NEB: variants seen among roughly 807,000 people sequenced by gnomAD.
NEB encodes the protein nemaline myopathy type 2.
NEB carries 512 observed loss-of-function variants against 952.2 expected under a neutral mutation model. The observed-to-expected ratio is 0.54, with a 90% confidence interval of 0.50 to 0.58. The LOEUF (loss-of-function observed/expected upper bound fraction) is 0.58. NEB is among the 20% of genes least tolerant of loss of function. The probability of loss-of-function intolerance (pLI) is 0.00; values close to 1 mark genes in which losing one functional copy is unlikely to be tolerated. For synonymous variants in NEB, 2,900 were observed against 3,149.8 expected (o/e 0.92, Z 2.66); for missense variants, 8,428 against 9,231.1 (o/e 0.91, Z 3.56).
intron 10 of NEB, among the ~76,000 whole-genome samples, chr2:151,715,073 C>T (rs1401639277): frequency 6.6e-6 from 1 of 152,220 alleles, no homozygotes; most frequent in Non-Finnish European, 1.5e-5. Flanking sequence ...AGCCACCTCC[C>T]CTTAGCTCAT....
chr2:151,606,067 A>G (rs2097695806), intron 84 of NEB, among the ~76,000 whole-genome samples: 1 of 86,238 alleles, frequency 1.2e-5, no homozygotes, highest in Non-Finnish European at 3.0e-5. Context: ...TGATCCGCCC[A>G]CCTCAGCCTC....
chr2:151,695,927 G>A (rs988042609), intron 17 of NEB, among the ~76,000 whole-genome samples: 5 of 152,106 alleles, frequency 3.3e-5, no homozygotes, highest in East Asian at 3.9e-4. Context: ...CCCTCCCTGC[G>A]TAGCACAATT....
rs1387509005 is a variant in NEB at position 151,549,714 on chromosome 2, G to C, written c.19971C>G (p.Thr6657=). The part of the protein sequence containing the change: ...SSNLYKTSLR[T]LPTGYRLPGD... ...CTGGAAGTCTATATCCAGTGGGCAGGGTGCGCAGGCTGGTTTTGTATAGAT... is the reference window on the plus strand; with the variant it reads ...CTGGAAGTCTATATCCAGTGGGCAGCGTGCGCAGGCTGGTTTTGTATAGAT... Residue 6657 remains threonine (T), a synonymous_variant, in exon 130 of 182, where the codon ACC becomes ACG. Transcript: ENST00000397345. 3.8e-6 allele frequency: 6 copies of C among 1,593,762 alleles called. No individual in the cohort carries two copies. The highest frequency in any genetic ancestry group is 1.1e-5 in the South Asian group (1 of 87,514).
At chr2:151,504,985 A>C (rs979365772) in intron 165 of NEB, among the ~76,000 whole-genome samples, 2 of 152,142 alleles carry the variant, frequency 1.3e-5, no homozygotes, top group Admixed American at 1.3e-4. Flanking sequence ...AGGGGAGAAG[A>C]GACTTCACAT....
At chr2:151,646,265 T>C in intron 54 of NEB, 31 bp from the exon 55 acceptor site, 1 of 1,465,730 alleles carries the variant, frequency 6.8e-7, no homozygotes. Context: ...TTTTCAGTGG[T>C]GTTGTTAGAT....
intron 55 of NEB, among the ~76,000 whole-genome samples, chr2:151,644,897 C>T (rs890730591): frequency 4.6e-5 from 7 of 152,102 alleles, no homozygotes; most frequent in Admixed American, 1.3e-4. Context: ...CTTATGCAAT[C>T]CTAGATGGTA....
intron 135 of NEB, among the ~76,000 whole-genome samples, chr2:151,542,432 A>T (rs1451142830): frequency 6.6e-6 from 1 of 152,122 alleles, no homozygotes; most frequent in Non-Finnish European, 1.5e-5. Context: ...AATTTAGGTG[A>T]TTTACCATGT....
At position 151,633,702 on chromosome 2, in the gene NEB, G is replaced by T. The variant is rs1271867113; in HGVS notation, c.9366C>A (p.Asp3122Glu). Residue 3122 changes from aspartate (D) to glutamate (E), a missense_variant, in exon 65 of 182, where the codon GAC becomes GAA. By Grantham distance (45) the Asp-to-Glu change is conservative. This residue lies in a region of NEB where 1,772 missense variants were observed against 1,960.3 expected (regional missense o/e 0.90). Coordinates refer to ENST00000397345, the MANE Select transcript of NEB (RefSeq NM_001164508.2). ...NYLHEWTCLP[D>E]QSDVIHARQA... ...GCCGAGCATGGATGACATCGCTCTG[G>T]TCAGGCAGGCATGTCCACTCGTGCA... 5.0e-6 allele frequency: 8 copies of T among 1,613,776 alleles called. No individual in the cohort carries two copies. In the African/African-American group the frequency reaches 1.1e-4, roughly 22 times the overall value.
At chr2:151,540,549 C>A in intron 137 of NEB, 101 bp from the exon 138 acceptor site, 3 of 1,126,058 alleles carry the variant, frequency 2.7e-6, no homozygotes, top group Non-Finnish European at 2.6e-6. Flanking sequence ...GTGTTACACA[C>A]TTTAAGAGAA....
intron 3 of NEB, 135 bp from the exon 4 acceptor site, chr2:151,729,791 G>A: frequency 1.1e-6 from 1 of 871,750 alleles, no homozygotes; most frequent in Non-Finnish European, 1.9e-6. Context: ...GTAGGTGAGG[G>A]AGCCTGTTCA....
At chr2:151,615,366 T>C (rs1343539205) in intron 76 of NEB, among the ~76,000 whole-genome samples, 1 of 152,174 alleles carries the variant, frequency 6.6e-6, no homozygotes, top group African/African-American at 2.4e-5. Flanking sequence ...CTAAGGAGGC[T>C]TGTTACAGAA....
chr2:151,521,647 C>A (rs1404614663), intron 153 of NEB, among the ~76,000 whole-genome samples: 1 of 152,184 alleles, frequency 6.6e-6, no homozygotes, highest in Non-Finnish European at 1.5e-5. Flanking sequence ...AGTCCTCCTT[C>A]TGTCTTTTAG....
rs2096806092 is a variant in NEB, at chr2:151,575,789, C to T, written c.16919G>A (p.Arg5640Lys). The T allele has an allele frequency of 6.3e-7, 1 of 1,599,530 alleles. No individual in the cohort carries two copies. The highest frequency in any genetic ancestry group is 1.1e-5 in the South Asian group (1 of 90,744). ...NAENISIPKY[R>K]EVWDKDKTSI... ...AGTTTTATCCTTGTCCCAAACCTCTCTGTACTTTGGCTGTGGAAAGAAACA... is the reference window on the plus strand; with the variant it reads ...AGTTTTATCCTTGTCCCAAACCTCTTTGTACTTTGGCTGTGGAAAGAAACA... The change falls in exon 107 of 182, where the codon AGA (arginine) becomes AAA (lysine). Residue 5640 changes from arginine to lysine, a missense_variant. Coordinates refer to ENST00000397345, the MANE Select transcript of NEB (RefSeq NM_001164508.2).
At chr2:151,678,256 G>A (rs2099387543) in intron 32 of NEB, 69 bp from the exon 33 acceptor site, 2 of 1,016,320 alleles carry the variant, frequency 2.0e-6, no homozygotes, top group Non-Finnish European at 2.8e-6. Context: ...ATGAGGCCAT[G>A]ATTTGAAGTA....
chr2:151,489,805 A>G (rs2054627847), intron 181 of NEB, among the ~76,000 whole-genome samples, 166 bp downstream of exon 181: 1 of 152,116 alleles, frequency 6.6e-6, no homozygotes, highest in Non-Finnish European at 1.5e-5. Context: ...TTTGAGTTAG[A>G]TAATGAAAGT....
chr2:151,665,476 G>A lies in NEB; in HGVS notation c.5095C>T (p.Leu1699=). 1 of 1,612,868 alleles carries A rather than the reference G, an allele frequency of 6.2e-7. No homozygotes were observed. Among genetic ancestry groups the A allele is most frequent in the Non-Finnish European group, 8.5e-7 (1 of 1,179,514 alleles). Residue 1699 remains leucine (L), a synonymous_variant, in exon 42 of 182, where the codon CTG becomes TTG. Transcript: ENST00000397345. ...KGIGWVPIES[L]EVEKAKKAGE... Reference sequence around the variant, plus strand: ...GCTTTCTTTGCCTTCTCCACCTCCAGGGACTCTATGGGCACCCAGCCGATC... The same window carrying A: ...GCTTTCTTTGCCTTCTCCACCTCCAAGGACTCTATGGGCACCCAGCCGATC...
Position 151,512,778 on chromosome 2 carries a change from A to G in NEB, c.23301T>C (p.Thr7767=), listed in dbSNP as rs2153273534. 6.2e-7 allele frequency: 1 copy of G among 1,613,906 alleles called. No homozygotes were observed. Among genetic ancestry groups the G allele is most frequent in the South Asian group, 1.1e-5 (1 of 91,064 alleles). Reference sequence around the variant, plus strand: ...CTTGTTGGGCATGAATGATCTCTGGAGTATCAACCACAGAAGTGAAATTGG... The same window carrying G: ...CTTGTTGGGCATGAATGATCTCTGGGGTATCAACCACAGAAGTGAAATTGG... ...EKANFTSVVD[T]PEIIHAQQVK... is the part of the protein sequence containing the mutation. Residue 7767 remains threonine (T), a synonymous_variant, in exon 161 of 182, where the codon ACT becomes ACC. Transcript: ENST00000397345.
chr2:151,546,781 A>T (rs546876604), intron 133 of NEB, among the ~76,000 whole-genome samples: 14 of 151,824 alleles, frequency 9.2e-5, no homozygotes, highest in Admixed American at 5.2e-4. Context: ...CTGGTCTCGA[A>T]CTCCTGACCT....
chr2:151,577,572 G>C (rs1239233892), intron 105 of NEB, among the ~76,000 whole-genome samples: 1 of 151,998 alleles, frequency 6.6e-6, no homozygotes, highest in African/African-American at 2.4e-5. Flanking sequence ...CTAAAGTCAG[G>C]AGCTGTCATG....
Sources: gnomAD v4.1 joint callset for allele counts (sites outside exome capture counted in the v4.1 genomes callset) on GRCh38, gnomAD v4.1.1 for gene constraint, gnomAD v4.1.1 regional missense constraint, MANE v1.5 for transcripts, NCBI Gene and HGNC (gene_info 2026-07-23, HGNC 2026-07-21) for gene names.